Variants in IGBP1 observed in about 807,000 individuals in gnomAD.
IGBP1 encodes the protein immunoglobulin-binding protein 1.
A neutral mutation model predicts 25.9 loss-of-function variants in IGBP1; 2 were observed. That is an observed-to-expected ratio of 0.08 (90% confidence interval 0.03 to 0.24). The LOEUF is 0.24. Among genes scored for constraint, IGBP1 ranks in the 10% least tolerant of loss-of-function variants. The probability of loss-of-function intolerance (pLI) is 1.00; values close to 1 mark genes in which losing one functional copy is unlikely to be tolerated. For synonymous variants in IGBP1, 96 were observed against 93.4 expected (o/e 1.03, Z -0.16); for missense variants, 187 against 260.4 (o/e 0.72, Z 1.94).
intron 3 of IGBP1, among the ~76,000 whole-genome samples, 198 bp downstream of exon 3, chrX:70,135,014 T>C (rs1235977373): frequency 1.8e-5 from 2 of 112,515 alleles, no homozygotes; most frequent in Non-Finnish European, 3.8e-5. Flanking sequence ...TACCTACTTA[T>C]CAGACCCTTA....
intron 3 of IGBP1, among the ~76,000 whole-genome samples, chrX:70,138,432 G>T (rs2085109763): frequency 1.1e-5 from 1 of 94,086 alleles, no homozygotes; most frequent in African/African-American, 4.0e-5. Flanking sequence ...AGTGAGCTGT[G>T]ATCGCACCAT....
chrX:70,151,488 C>G (rs777554313), intron 6 of IGBP1, among the ~76,000 whole-genome samples: 4 of 111,456 alleles, frequency 3.6e-5, no homozygotes, highest in Non-Finnish European at 5.6e-5. Context: ...ATTTGATCCT[C>G]TTAACAACTT....
rs1025613020 is a variant in IGBP1, at chrX:70,137,909, G to A, written c.482+3093G>A. ...ACACTTCGGGAGGCTGAGGCAGGTG[G>A]ATCCCTTGAGGTCAGGAGTTCAAGA... On this transcript the variant is annotated intron_variant, in intron 3 of 6. Transcript: ENST00000356413. Among the ~76,000 whole-genome samples, 5 of 106,958 alleles carry A rather than the reference G, an allele frequency of 4.7e-5. No individual in the cohort carries two copies. In the East Asian group the frequency reaches 1.5e-3, roughly 31 times the overall value. The allele number at this position is 106,958 out of a possible 115,157, so 92.9% of individuals were successfully genotyped here. A position where few individuals can be genotyped will look rare whatever the true frequency, so the allele number is the denominator to read the frequency against.
At chrX:70,152,408 C>T (rs1277102247) in intron 6 of IGBP1, among the ~76,000 whole-genome samples, 3 of 111,372 alleles carry the variant, frequency 2.7e-5, no homozygotes, top group East Asian at 2.8e-4. Context: ...AAACAGAATT[C>T]GGAATCTCTA....
At chrX:70,156,808 C>T (rs971071141) in intron 6 of IGBP1, among the ~76,000 whole-genome samples, 2 of 110,805 alleles carry the variant, frequency 1.8e-5, no homozygotes, top group Non-Finnish European at 3.8e-5. Flanking sequence ...GGCGTGGTGG[C>T]GGGCGCCTGT....
intron 3 of IGBP1, among the ~76,000 whole-genome samples, chrX:70,135,864 G>A (rs1266768934): frequency 1.8e-5 from 2 of 111,785 alleles, no homozygotes; most frequent in Non-Finnish European, 3.8e-5. Flanking sequence ...ACTTGGTAAG[G>A]TGTTTGAATC....
intron 6 of IGBP1, among the ~76,000 whole-genome samples, chrX:70,151,884 A>G (rs947611903): frequency 9.0e-6 from 1 of 111,329 alleles, no homozygotes; most frequent in East Asian, 2.8e-4. Context: ...TCTCAAATAA[A>G]TAAATAAAAT....
intron 6 of IGBP1, among the ~76,000 whole-genome samples, chrX:70,153,541 A>G (rs1386845145): frequency 8.9e-6 from 1 of 112,563 alleles, no homozygotes; most frequent in Non-Finnish European, 1.9e-5. Context: ...GGACAGGGTA[A>G]ATGGAACTAT....
chrX:70,140,562 G>A (rs1041237778), intron 3 of IGBP1, among the ~76,000 whole-genome samples: 4 of 112,423 alleles, frequency 3.6e-5, no homozygotes, highest in African/African-American at 6.5e-5. Context: ...AGTTTACATG[G>A]TTAGAAAACA....
At position 70,159,939 on chromosome X, in the gene IGBP1, A is replaced by G. The variant is rs1486801330; in HGVS notation, c.872-5894A>G. 2.7e-5 allele frequency among the ~76,000 whole-genome samples: 3 copies of G among 111,400 alleles called. No homozygotes were observed. In the East Asian group the frequency reaches 8.5e-4, roughly 32 times the overall value. On this transcript the variant is annotated intron_variant, in intron 6 of 6. Coordinates refer to ENST00000356413, the MANE Select transcript of IGBP1 (RefSeq NM_001551.3). ...TGGCTTTGCTCCCCAGGAAGGTGGG[A>G]CACCTCAGTGGCTCAGACCCCGGAG...
intron 6 of IGBP1, among the ~76,000 whole-genome samples, chrX:70,151,551 A>C (rs1255491081): frequency 9.0e-6 from 1 of 111,357 alleles, no homozygotes; most frequent in Non-Finnish European, 1.9e-5. Flanking sequence ...GCTCTGGGAC[A>C]AATAGGTGAA....
At position 70,133,972 on chromosome X, in the gene IGBP1, C is replaced by T. The variant is rs762405623; in HGVS notation, c.25C>T (p.Leu9=). Reference sequence around the variant, plus strand: ...GATGGCTGCTGAGGACGAGTTACAGCTGCCGCGGCTCCCCGAGCTGTTCGA... The same window carrying T: ...GATGGCTGCTGAGGACGAGTTACAGTTGCCGCGGCTCCCCGAGCTGTTCGA... MAAEDELQ[L]PRLPELFETG... Residue 9 remains leucine (L), a synonymous_variant, in exon 2 of 7, where the codon CTG becomes TTG. Coordinates refer to ENST00000356413, the MANE Select transcript of IGBP1 (RefSeq NM_001551.3). 2 of 1,209,914 alleles carry T rather than the reference C, an allele frequency of 1.7e-6. No individual in the cohort carries two copies. Among genetic ancestry groups the T allele is most frequent in the Admixed American group, 4.4e-5 (2 of 45,813 alleles).
At chrX:70,161,362 C>T in intron 6 of IGBP1, among the ~76,000 whole-genome samples, 1 of 111,558 alleles carries the variant, frequency 9.0e-6, no homozygotes, top group Middle Eastern at 4.6e-3. Flanking sequence ...ACAGTAGCAA[C>T]AAGTCCATCC....
At chrX:70,160,867 G>C (rs2085267254) in intron 6 of IGBP1, among the ~76,000 whole-genome samples, 1 of 112,162 alleles carries the variant, frequency 8.9e-6, no homozygotes, top group South Asian at 3.7e-4. Flanking sequence ...TATAATGTGA[G>C]ATAATATAAA....
chrX:70,153,807 A>G (rs2085218110), intron 6 of IGBP1, among the ~76,000 whole-genome samples: 1 of 111,563 alleles, frequency 9.0e-6, no homozygotes, highest in Non-Finnish European at 1.9e-5. Flanking sequence ...TCATCGATGT[A>G]GCTGAGGACA....
At chrX:70,154,370 C>T (rs1489107514) in intron 6 of IGBP1, among the ~76,000 whole-genome samples, 1 of 108,158 alleles carries the variant, frequency 9.2e-6, no homozygotes, top group African/African-American at 3.4e-5. Flanking sequence ...CTGCGCCTGG[C>T]CCCCATCACA....
rs2085077415 is a variant in IGBP1, at chrX:70,133,824, A to G, written c.-124A>G. 1.7e-6 allele frequency: 1 copy of G among 590,135 alleles called. No individual in the cohort carries two copies. Among genetic ancestry groups the G allele is most frequent in the South Asian group, 2.7e-5 (1 of 37,527 alleles). The allele number at this position is 590,135 out of a possible 1,213,427, so 48.6% of individuals were successfully genotyped here. A position where few individuals can be genotyped will look rare whatever the true frequency, so the allele number is the denominator to read the frequency against. ...CCCGGAAGTCCTTTGATGCTTTGTT[A>G]ACAGTGAAGCTACTGGACCAATGAG... On this transcript the variant is annotated 5_prime_UTR_variant, in exon 2 of 7. It removes the in-frame stop codon of an upstream open reading frame in the 5' UTR. Transcript: ENST00000356413.
At chrX:70,155,734 C>T (rs1479875751) in intron 6 of IGBP1, among the ~76,000 whole-genome samples, 2 of 111,180 alleles carry the variant, frequency 1.8e-5, no homozygotes, top group Non-Finnish European at 3.8e-5. Context: ...AAGGGATACT[C>T]AACCTCTACC....
intron 3 of IGBP1, among the ~76,000 whole-genome samples, chrX:70,135,407 T>C (rs1251015070): frequency 3.6e-5 from 4 of 111,562 alleles, no homozygotes; most frequent in Non-Finnish European, 7.5e-5. Flanking sequence ...GTCCCTGCCT[T>C]GGAGGAGCAT....
Sources: gnomAD v4.1 joint callset for allele counts (sites outside exome capture counted in the v4.1 genomes callset) on GRCh38, gnomAD v4.1.1 for gene constraint, MANE v1.5 for transcripts, NCBI Gene and HGNC (gene_info 2026-07-23, HGNC 2026-07-21) for gene names.